The following STARD10 variants were observed in gnomAD, a reference collection of about 807,000 sequenced individuals.
STARD10 encodes the protein START domain-containing protein 10.
In STARD10, 24 loss-of-function variants were observed where a neutral mutation model predicts 36.0. The observed-to-expected ratio is 0.67, with a 90% CI of 0.48 to 0.94. STARD10 has a LOEUF of 0.94. Ranked by LOEUF, STARD10 falls within the 40% of genes least tolerant of loss-of-function variation. The pLI is 0.00. For synonymous variants in STARD10, 156 were observed against 161.9 expected (o/e 0.96, Z 0.28); for missense variants, 335 against 396.6 (o/e 0.84, Z 1.32).
rs140671989 is a variant in STARD10, at chr11:72,775,292, C to G, written c.207+5683G>C. Among the ~76,000 whole-genome samples the G allele has an allele frequency of 2.0e-3, 306 of 152,336 alleles. 1 individual carries two copies. Among genetic ancestry groups the G allele is most frequent in the African/African-American group, 6.9e-3 (288 of 41,582 alleles). On this transcript the variant is annotated intron_variant, in intron 2 of 6. Coordinates refer to ENST00000334805, the MANE Select transcript of STARD10 (RefSeq NM_006645.3). ...CCCACAACCTGGCTTTAAGGTGGGC[C>G]TTGGCACCTCTGCCCAGACAAATAC...
intron 1 of STARD10, among the ~76,000 whole-genome samples, chr11:72,786,450 G>T (rs1859073031): frequency 6.6e-6 from 1 of 152,148 alleles, no homozygotes; most frequent in South Asian, 2.1e-4. Context: ...TCACAGTGGC[G>T]ATAGGTGTTC....
chr11:72,789,802 A>G (rs1343126592), intron 1 of STARD10, among the ~76,000 whole-genome samples: 1 of 152,184 alleles, frequency 6.6e-6, no homozygotes, highest in East Asian at 1.9e-4. Context: ...TTCCATGGGC[A>G]CTGCTATCTG....
chr11:72,756,221 G>A (rs1276695708), intron 5 of STARD10, among the ~76,000 whole-genome samples: 1 of 152,130 alleles, frequency 6.6e-6, no homozygotes, highest in Non-Finnish European at 1.5e-5. Flanking sequence ...GGAATCCACT[G>A]CCCAGCTCTC....
In STARD10 at chr11:72,781,840, G is replaced by T. The variant is rs1859003929; in HGVS notation, c.-113-546C>A. The T allele has an allele frequency of 1.7e-4, 3 of 17,656 alleles. No individual in the cohort carries two copies. The highest frequency in any genetic ancestry group is 5.1e-4 in the African/African-American group (3 of 5,868). 1.1% of individuals were successfully genotyped at this position (17,656 alleles called of 1,614,324 possible). ...CCCCTCCCGGCTAGGCTGGGGGCTC[G>T]GGGGCTCGGGGGCTCGGCGGCCGCG... On this transcript the variant is annotated intron_variant, in intron 1 of 6. Coordinates refer to ENST00000334805, the MANE Select transcript of STARD10 (RefSeq NM_006645.3). The surrounding 1 kb of genome is among the most constrained non-coding windows in gnomAD (Gnocchi z 4.7).
intron 1 of STARD10, among the ~76,000 whole-genome samples, chr11:72,785,211 C>G (rs1036294906): frequency 5.9e-5 from 9 of 152,074 alleles, no homozygotes; most frequent in Non-Finnish European, 1.3e-4. Flanking sequence ...GCATCTGGCC[C>G]CACCCCCTCC....
At chr11:72,758,296 G>A (rs954215997) in intron 4 of STARD10, among the ~76,000 whole-genome samples, 7 of 152,118 alleles carry the variant, frequency 4.6e-5, no homozygotes, top group Admixed American at 2.6e-4. Flanking sequence ...CCAACCAATC[G>A]AAGTCAGCCC....
chr11:72,784,054 T>C (rs1859041172), intron 1 of STARD10, among the ~76,000 whole-genome samples: 1 of 152,168 alleles, frequency 6.6e-6, no homozygotes, highest in South Asian at 2.1e-4. Context: ...TAGAAGGGTA[T>C]CACCTCATTC....
At chr11:72,780,268 G>A (rs930111252) in intron 2 of STARD10, 9 of 394,768 alleles carry the variant, frequency 2.3e-5, no homozygotes, top group African/African-American at 1.7e-4. Context: ...TGTGGGGTTG[G>A]GAAGAGCAGG....
intron 2 of STARD10, chr11:72,780,461 A>T (rs1243367208): frequency 2.3e-6 from 1 of 439,094 alleles, no homozygotes; most frequent in Admixed American, 2.5e-5. Context: ...CTAAGGGAGC[A>T]GCCAGGGAGG....
At position 72,768,477 on chromosome 11, in the gene STARD10, G is replaced by T. The variant is rs559571036; in HGVS notation, c.208-9096C>A. Among the ~76,000 whole-genome samples the T allele has an allele frequency of 1.9e-3, 289 of 151,902 alleles. 1 individual carries two copies. Among genetic ancestry groups the T allele is most frequent in the African/African-American group, 6.4e-3 (263 of 41,364 alleles). On this transcript the variant is annotated intron_variant, in intron 2 of 6. Coordinates refer to ENST00000334805, the MANE Select transcript of STARD10 (RefSeq NM_006645.3). ...CCCCCAAAAAAATCCCAAGAGCTGC[G>T]CCAGGGCACAGACCTGAGGGTTCAG...
At chr11:72,780,664 C>A (rs894532958) in intron 2 of STARD10, 17 of 445,572 alleles carry the variant, frequency 3.8e-5, no homozygotes, top group African/African-American at 3.0e-4. Flanking sequence ...CAGAGGGGTC[C>A]CTGAGGGAGA....
intron 2 of STARD10, among the ~76,000 whole-genome samples, chr11:72,770,132 C>T (rs1038142097): frequency 2.6e-5 from 4 of 152,160 alleles, no homozygotes; most frequent in East Asian, 1.9e-4. Flanking sequence ...ACTGAGGCTC[C>T]GGATGATTTA....
chr11:72,792,738 AC>A (rs1470569046), intron 1 of STARD10, 136 bp downstream of exon 1: 1 of 152,686 alleles, frequency 6.5e-6, no homozygotes, highest in African/African-American at 2.4e-5. Flanking sequence ...AGATGGAGTT[AC>A]CTGAGTACCC....
At chr11:72,782,924 C>T (rs1859023720) in intron 1 of STARD10, among the ~76,000 whole-genome samples, 2 of 152,190 alleles carry the variant, frequency 1.3e-5, no homozygotes, top group Non-Finnish European at 2.9e-5. Flanking sequence ...CTGACCAGCA[C>T]GCAGATCTCA....
chr11:72,770,930 G>A (rs1302836264), intron 2 of STARD10, among the ~76,000 whole-genome samples: 2 of 152,238 alleles, frequency 1.3e-5, no homozygotes, highest in Non-Finnish European at 2.9e-5. Flanking sequence ...ACAAAAGTGG[G>A]AAATGGAGCT....
chr11:72,783,115 C>T (rs151093942), intron 1 of STARD10, among the ~76,000 whole-genome samples: 2 of 152,238 alleles, frequency 1.3e-5, no homozygotes, highest in African/African-American at 4.8e-5. Flanking sequence ...AACGAGGAGT[C>T]GAGGATTTGT....
chr11:72,778,109 T>G (rs924847405), intron 2 of STARD10, among the ~76,000 whole-genome samples: 2 of 152,090 alleles, frequency 1.3e-5, no homozygotes, highest in African/African-American at 4.8e-5. Context: ...CAAACAAGAA[T>G]AGGATGATGA....
In STARD10 at chr11:72,757,903, G is replaced by A; in HGVS notation, c.460-19C>T. Reference sequence around the variant, plus strand: ...GGTATTTCTGGGGATGGAAGGCACAGGGAGGTGAGACTCGGGGTGGGGGCA... The same window carrying A: ...GGTATTTCTGGGGATGGAAGGCACAAGGAGGTGAGACTCGGGGTGGGGGCA... On this transcript the variant is annotated intron_variant, in intron 4 of 6. Coordinates refer to ENST00000334805, the MANE Select transcript of STARD10 (RefSeq NM_006645.3). The A allele has an allele frequency of 6.2e-7, 1 of 1,611,044 alleles. No homozygotes were observed. Among genetic ancestry groups the A allele is most frequent in the East Asian group, 2.2e-5 (1 of 44,868 alleles).
At chr11:72,770,874 G>A (rs1308074740) in intron 2 of STARD10, among the ~76,000 whole-genome samples, 4 of 152,166 alleles carry the variant, frequency 2.6e-5, no homozygotes, top group African/African-American at 9.7e-5. Flanking sequence ...GTTGGGGGAA[G>A]GAGAAGGATC....
Sources: allele counts gnomAD v4.1 joint callset (sites outside exome capture counted in the v4.1 genomes callset), GRCh38; gene constraint gnomAD v4.1.1; non-coding constraint Gnocchi (gnomAD v3.1); transcripts MANE v1.5; gene names NCBI Gene and HGNC (gene_info 2026-07-23, HGNC 2026-07-21).